L3MBTL4: variants seen among roughly 807,000 people sequenced by gnomAD.
L3MBTL4 encodes the protein L3MBTL histone methyl-lysine binding protein 4, also known as lethal(3)malignant brain tumor-like protein 4.
Under a neutral mutation model 84.5 loss-of-function variants are expected in L3MBTL4, and 70 were observed. The observed-to-expected ratio is 0.83, with a 90% CI of 0.68 to 1.01. The LOEUF is 1.01. Among genes scored for constraint, L3MBTL4 ranks in the 50% least tolerant of loss-of-function variants. The probability of loss-of-function intolerance (pLI) is 0.00; values close to 1 mark genes in which losing one functional copy is unlikely to be tolerated. For synonymous variants in L3MBTL4, 274 were observed against 259.8 expected (o/e 1.05, Z -0.52); for missense variants, 715 against 754.8 (o/e 0.95, Z 0.62).
intron 16 of L3MBTL4, among the ~76,000 whole-genome samples, chr18:6,016,459 C>T (rs1333063066): frequency 6.6e-6 from 1 of 152,186 alleles, no homozygotes; most frequent in Admixed American, 6.5e-5. Flanking sequence ...TCCACAGGGA[C>T]TAGCTCAGTA....
intron 16 of L3MBTL4, chr18:6,031,774 G>T: frequency 1.0e-6 from 1 of 984,852 alleles, no homozygotes; most frequent in Admixed American, 6.2e-5. Context: ...GTGCCTATCT[G>T]CAGTCATCTG....
At chr18:6,359,601 T>G (rs898351944) in intron 1 of L3MBTL4, among the ~76,000 whole-genome samples, 15 of 152,076 alleles carry the variant, frequency 9.9e-5, no homozygotes, top group Non-Finnish European at 1.9e-4. Flanking sequence ...AAAAAAATTC[T>G]AAAGCATTCT....
intron 1 of L3MBTL4, among the ~76,000 whole-genome samples, chr18:6,405,428 AC>A (rs1384305783): frequency 6.6e-6 from 1 of 152,218 alleles, no homozygotes; most frequent in Non-Finnish European, 1.5e-5. Flanking sequence ...CTCCTGATGT[AC>A]CATCTGTGGT....
chr18:6,092,253 A>C (rs1188614006), intron 15 of L3MBTL4, among the ~76,000 whole-genome samples: 1 of 152,248 alleles, frequency 6.6e-6, no homozygotes, highest in Non-Finnish European at 1.5e-5. Context: ...CATGTGCATG[A>C]ATAAAAATAA....
At chr18:5,992,359 C>T (rs934248285) in intron 16 of L3MBTL4, among the ~76,000 whole-genome samples, 21 of 152,022 alleles carry the variant, frequency 1.4e-4, no homozygotes, top group Admixed American at 7.9e-4. Context: ...TAGTATGATA[C>T]GATGTTTGAT....
chr18:6,060,548 C>T (rs920953092), intron 16 of L3MBTL4, among the ~76,000 whole-genome samples: 16 of 151,942 alleles, frequency 1.1e-4, no homozygotes, highest in Non-Finnish European at 1.0e-4. Flanking sequence ...TAGTGTGGTA[C>T]ATTTCTCACA....
chr18:6,263,281 A>G (rs1417450093), intron 5 of L3MBTL4, among the ~76,000 whole-genome samples: 1 of 151,998 alleles, frequency 6.6e-6, no homozygotes, highest in Admixed American at 6.6e-5. Flanking sequence ...AAAAAAAAAA[A>G]AAAGAAAAAA....
intron 16 of L3MBTL4, among the ~76,000 whole-genome samples, chr18:5,992,362 T>C (rs375584342): frequency 3.3e-5 from 5 of 151,992 alleles, no homozygotes; most frequent in East Asian, 1.9e-4. Context: ...TATGATACGA[T>C]GTTTGATAGA....
intron 1 of L3MBTL4, among the ~76,000 whole-genome samples, chr18:6,319,882 C>T (rs192666387): frequency 2.0e-5 from 3 of 152,030 alleles, no homozygotes; most frequent in African/African-American, 4.8e-5. Context: ...AACATAGATG[C>T]AAAAATCCTC....
chr18:6,119,549 G>T (rs9944583), intron 14 of L3MBTL4, among the ~76,000 whole-genome samples: 2 of 152,092 alleles, frequency 1.3e-5, no homozygotes, highest in Non-Finnish European at 2.9e-5. Context: ...CGTATGGATC[G>T]CTGTTCAGGA....
chr18:6,278,346 G>A (rs564114340), intron 4 of L3MBTL4, among the ~76,000 whole-genome samples: 1 of 152,142 alleles, frequency 6.6e-6, no homozygotes, highest in Non-Finnish European at 1.5e-5. Context: ...GGCGAGTCAT[G>A]TAGTTTAATT....
At chr18:6,194,913 G>T (rs1454663897) in intron 12 of L3MBTL4, among the ~76,000 whole-genome samples, 1 of 152,244 alleles carries the variant, frequency 6.6e-6, no homozygotes, top group Non-Finnish European at 1.5e-5. Context: ...GGCAGGAGGA[G>T]TCTGCTCAAA....
chr18:5,975,348 A>T (rs958818385), intron 16 of L3MBTL4, among the ~76,000 whole-genome samples: 13 of 151,036 alleles, frequency 8.6e-5, no homozygotes, highest in Admixed American at 2.6e-4. Flanking sequence ...AGGAGGAAAT[A>T]AAAAAAATGC....
At chr18:6,162,692 A>C (rs1179672094) in intron 13 of L3MBTL4, among the ~76,000 whole-genome samples, 7 of 152,204 alleles carry the variant, frequency 4.6e-5, no homozygotes, top group African/African-American at 1.7e-4. Flanking sequence ...ACACAGTAAA[A>C]GGGTGGTACA....
chr18:6,089,242 C>T (rs1486963444), intron 15 of L3MBTL4, among the ~76,000 whole-genome samples: 1 of 152,060 alleles, frequency 6.6e-6, no homozygotes, highest in African/African-American at 2.4e-5. Flanking sequence ...TCATTATATT[C>T]TCTTGTTGCA....
intron 16 of L3MBTL4, among the ~76,000 whole-genome samples, chr18:6,005,821 T>C (rs1230994134): frequency 1.3e-5 from 2 of 152,166 alleles, no homozygotes; most frequent in South Asian, 2.1e-4. Flanking sequence ...ATCTTGATGG[T>C]AGAAAAATTT....
At chr18:6,293,311 G>A (rs983677134) in intron 4 of L3MBTL4, among the ~76,000 whole-genome samples, 5 of 152,172 alleles carry the variant, frequency 3.3e-5, no homozygotes, top group South Asian at 2.1e-4. Flanking sequence ...CTGATTCAAC[G>A]TCTGGGGCAA....
intron 16 of L3MBTL4, among the ~76,000 whole-genome samples, chr18:5,996,713 A>G (rs1439396081): frequency 6.6e-6 from 1 of 152,188 alleles, no homozygotes; most frequent in Non-Finnish European, 1.5e-5. Flanking sequence ...CAAGACAATG[A>G]TGTGAATCCA....
chr18:6,149,123 G>A (rs907104969), intron 13 of L3MBTL4, among the ~76,000 whole-genome samples: 14 of 151,554 alleles, frequency 9.2e-5, no homozygotes, highest in Middle Eastern at 3.2e-3. Context: ...ATGTATACAC[G>A]TGCCATGTTG....
Sources: allele counts gnomAD v4.1 joint callset (sites outside exome capture counted in the v4.1 genomes callset), GRCh38; gene constraint gnomAD v4.1.1; transcripts MANE v1.5; gene names NCBI Gene and HGNC (gene_info 2026-07-23, HGNC 2026-07-21).